The following NTM variants were observed in gnomAD, a reference collection of about 807,000 sequenced individuals.
The protein encoded by NTM is IgLON family member 2.
Under a neutral mutation model 42.1 loss-of-function variants are expected in NTM, and 13 were observed. The observed-to-expected ratio is 0.31, with a 90% CI of 0.20 to 0.49. NTM has a LOEUF of 0.49. Among genes scored for constraint, NTM ranks in the 20% least tolerant of loss-of-function variants. The pLI, the probability that NTM is intolerant of heterozygous loss-of-function variation, is 0.99. For missense variants in NTM, 373 were observed against 452.8 expected (o/e 0.82, Z 1.60); for synonymous variants, 187 against 179.2 (o/e 1.04, Z -0.35).
intron 1 of NTM, among the ~76,000 whole-genome samples, chr11:131,482,554 A>G (rs1953719972): frequency 6.6e-6 from 1 of 152,118 alleles, no homozygotes; most frequent in Non-Finnish European, 1.5e-5. Flanking sequence ...TCCTCCCTCC[A>G]TCATATTTGA....
At chr11:131,983,275 G>A (rs2065544498) in intron 2 of NTM, among the ~76,000 whole-genome samples, 1 of 151,838 alleles carries the variant, frequency 6.6e-6, no homozygotes, top group Admixed American at 6.6e-5. Context: ...GGAGACACAG[G>A]GTTGAGTCCA....
intron 1 of NTM, among the ~76,000 whole-genome samples, chr11:131,600,845 CTT>C (rs377580397): frequency 2.7e-5 from 4 of 148,544 alleles, no homozygotes; most frequent in African/African-American, 9.8e-5. Flanking sequence ...TAAACATTCA[CTT>C]TTTTTTTTTC....
At chr11:131,425,393 G>A (rs1368716439) in intron 1 of NTM, among the ~76,000 whole-genome samples, 1 of 152,076 alleles carries the variant, frequency 6.6e-6, no homozygotes, top group Non-Finnish European at 1.5e-5. Flanking sequence ...ATCAATAGCA[G>A]CTCTTTGATG....
intron 4 of NTM, among the ~76,000 whole-genome samples, chr11:132,245,600 G>T (rs1016605448): frequency 1.4e-4 from 21 of 152,162 alleles, no homozygotes; most frequent in Non-Finnish European, 2.8e-4. Flanking sequence ...CAGCAATTAG[G>T]AGAGCCTTTC....
intron 1 of NTM, chr11:131,795,821 A>G: frequency 9.1e-6 from 9 of 985,384 alleles, no homozygotes; most frequent in Non-Finnish European, 1.1e-5. Context: ...TCTCAGAGTG[A>G]TGGAATGCCT....
intron 1 of NTM, among the ~76,000 whole-genome samples, chr11:131,602,370 C>T (rs2060563032): frequency 6.6e-6 from 1 of 152,158 alleles, no homozygotes; most frequent in Admixed American, 6.5e-5. Context: ...GTGGTTAATA[C>T]CAGTATCTTA....
chr11:131,638,563 C>CAAAAAA (rs58374119), intron 1 of NTM, among the ~76,000 whole-genome samples: 3 of 53,324 alleles, frequency 5.6e-5, no homozygotes, highest in African/African-American at 2.5e-4. Flanking sequence ...GAGACTCCTT[C>CAAAAAA]AAAAAAAAAA....
chr11:131,652,283 A>C lies in NTM; in HGVS notation c.83-259281A>C, dbSNP rs367675356. On this transcript the variant is annotated intron_variant, in intron 1 of 8. Transcript: ENST00000683400. Reference sequence around the variant, plus strand: ...GACATGATCATTGTGTTTTTTTTCTATGAGAAAAGGCTTGAGATAACACTC... The same window carrying C: ...GACATGATCATTGTGTTTTTTTTCTCTGAGAAAAGGCTTGAGATAACACTC... 8.5e-5 allele frequency among the ~76,000 whole-genome samples: 13 copies of C among 152,248 alleles called. 1 individual carries two copies. The East Asian group carries it at 2.3e-3, about 27-fold the overall frequency.
At chr11:132,329,699 T>A (rs1260926215) in intron 7 of NTM, among the ~76,000 whole-genome samples, 1 of 152,240 alleles carries the variant, frequency 6.6e-6, no homozygotes, top group African/African-American at 2.4e-5. Flanking sequence ...AATGCTGTAG[T>A]ATAAATCCAT....
At chr11:132,181,254 C>T (rs1229254004) in intron 3 of NTM, among the ~76,000 whole-genome samples, 1 of 152,162 alleles carries the variant, frequency 6.6e-6, no homozygotes, top group Non-Finnish European at 1.5e-5. Context: ...ATGAGTCATA[C>T]CTGTTGGCTT....
At chr11:131,604,523 T>G (rs2060763305) in intron 1 of NTM, among the ~76,000 whole-genome samples, 1 of 152,158 alleles carries the variant, frequency 6.6e-6, no homozygotes, top group Non-Finnish European at 1.5e-5. Flanking sequence ...AAGTTTTAAT[T>G]TTGATGAGAT....
chr11:132,212,812 A>C (rs2083086211), intron 4 of NTM, among the ~76,000 whole-genome samples: 1 of 152,212 alleles, frequency 6.6e-6, no homozygotes, highest in South Asian at 2.1e-4. Flanking sequence ...ATTTGGGAAC[A>C]AGAAAGATAA....
intron 2 of NTM, among the ~76,000 whole-genome samples, chr11:132,033,035 G>A (rs2076113391): frequency 2.0e-5 from 3 of 152,190 alleles, no homozygotes; most frequent in Admixed American, 2.0e-4. Context: ...CTCAGATACA[G>A]CCATATATGC....
intron 1 of NTM, among the ~76,000 whole-genome samples, chr11:131,713,423 G>A (rs549684668): frequency 6.6e-6 from 1 of 152,124 alleles, no homozygotes; most frequent in Non-Finnish European, 1.5e-5. Context: ...ATTAAATGAT[G>A]TTAAGTGTCT....
rs1555127949 is a variant in NTM, at chr11:131,789,636, A to AGAAG, written c.83-121928_83-121927insGAAG. ...AAGAAGAAGAAGAAGAAGAAGAAGA[A>AGAAG]AAGAAGAAGAAGAAGAAGAAGAAGA... On this transcript the variant is annotated intron_variant, in intron 1 of 8. Coordinates refer to ENST00000683400, the MANE Select transcript of NTM (RefSeq NM_001352005.2). 2.0e-3 allele frequency among the ~76,000 whole-genome samples: 61 copies of AGAAG among 30,904 alleles called. 9 individuals carry two copies. Among genetic ancestry groups the AGAAG allele is most frequent in the South Asian group, 3.4e-3 (4 of 1,190 alleles). 20.3% of individuals were successfully genotyped at this position (30,904 alleles called of 152,430 possible). A position where few individuals can be genotyped will look rare whatever the true frequency, so the allele number is the denominator to read the frequency against.
chr11:132,280,475 CTTTTTTT>C (rs138697534), intron 4 of NTM, among the ~76,000 whole-genome samples: 2 of 82,432 alleles, frequency 2.4e-5, no homozygotes, highest in Non-Finnish European at 4.3e-5. Flanking sequence ...ATACTCTCTT[CTTTTTTT>C]TTTTTTTTTT....
In NTM at chr11:132,058,580, T is replaced by A. The variant is rs1320882087; in HGVS notation, c.168-87702T>A. Among the ~76,000 whole-genome samples the A allele has an allele frequency of 2.0e-5, 3 of 152,222 alleles. No homozygotes were observed. In the East Asian group the frequency reaches 5.8e-4, roughly 29 times the overall value. Reference sequence around the variant, plus strand: ...GGCACTTGCCATGGTTGGTTCTCTCTGCTTGCTATCTTTCAGGGATTATTC... The same window carrying A: ...GGCACTTGCCATGGTTGGTTCTCTCAGCTTGCTATCTTTCAGGGATTATTC... On this transcript the variant is annotated intron_variant, in intron 2 of 8. Coordinates refer to ENST00000683400, the MANE Select transcript of NTM (RefSeq NM_001352005.2).
At chr11:132,299,891 T>C (rs2094779094) in intron 4 of NTM, among the ~76,000 whole-genome samples, 1 of 152,086 alleles carries the variant, frequency 6.6e-6, no homozygotes, top group Non-Finnish European at 1.5e-5. Flanking sequence ...GAACTATGTG[T>C]AATATATATG....
chr11:131,628,124 C>G (rs1234478590), intron 1 of NTM, among the ~76,000 whole-genome samples: 2 of 152,092 alleles, frequency 1.3e-5, no homozygotes, highest in Non-Finnish European at 2.9e-5. Context: ...GTTGGGAGGA[C>G]CCACGAAGCC....
Sources: allele counts gnomAD v4.1 joint callset (sites outside exome capture counted in the v4.1 genomes callset), GRCh38; gene constraint gnomAD v4.1.1; transcripts MANE v1.5; gene names NCBI Gene and HGNC (gene_info 2026-07-23, HGNC 2026-07-21).